The following C12orf50 variants were observed in gnomAD, a reference collection of about 807,000 sequenced individuals.
C12orf50 encodes uncharacterized protein C12orf50.
C12orf50 carries 35 observed loss-of-function variants against 61.6 expected under a neutral mutation model. The ratio of observed to expected loss-of-function variants is 0.57; its 90% CI spans 0.43 to 0.75. C12orf50 has a LOEUF of 0.75. Among genes scored for constraint, C12orf50 ranks in the 30% least tolerant of loss-of-function variants. The pLI is 0.00. For synonymous variants in C12orf50, 178 were observed against 161.5 expected, an observed-to-expected ratio of 1.10 and a Z score of -0.77; for missense variants, 475 against 488.5, an observed-to-expected ratio of 0.97 and a Z score of 0.26.
chr12:87,986,057 T>G lies in C12orf50; in HGVS notation c.923-4A>C. On this transcript the variant is annotated splice_polypyrimidine_tract_variant and splice_region_variant and intron_variant, in intron 10 of 12. Coordinates refer to ENST00000298699, the MANE Select transcript of C12orf50 (RefSeq NM_152589.3). Reference sequence around the variant, plus strand: ...TGGGGTCTTGGGGCCTGTACTGCTGTAAAGAAAGGTGGGAGGGAGTGAGGA... The same window carrying G: ...TGGGGTCTTGGGGCCTGTACTGCTGGAAAGAAAGGTGGGAGGGAGTGAGGA... 6.2e-7 allele frequency: 1 copy of G among 1,612,944 alleles called. No individual in the cohort carries two copies. The highest frequency in any genetic ancestry group is 8.5e-7 in the Non-Finnish European group (1 of 1,179,144).
chr12:88,001,292 A>ATAT (rs111556053), intron 3 of C12orf50, among the ~76,000 whole-genome samples: 31,081 of 149,590 alleles, frequency 0.21, 5,704 homozygotes, highest in African/African-American at 0.5. Context: ...TATTGTGGGT[A>ATAT]TATTATTATT....
At chr12:88,018,398 G>T (rs1592681772) in intron 3 of C12orf50, among the ~76,000 whole-genome samples, 1 of 152,262 alleles carries the variant, frequency 6.6e-6, no homozygotes, top group Admixed American at 6.5e-5. Flanking sequence ...CAGAGGGCGT[G>T]TGGAAATGCC....
At chr12:87,982,704 G>C (rs1045262740) in intron 12 of C12orf50, among the ~76,000 whole-genome samples, 3 of 151,660 alleles carry the variant, frequency 2.0e-5, no homozygotes, top group African/African-American at 7.3e-5. Context: ...TGTCCTGTCA[G>C]CCTATACCAG....
chr12:88,012,628 T>G (rs943768708), intron 3 of C12orf50, among the ~76,000 whole-genome samples: 2 of 152,212 alleles, frequency 1.3e-5, no homozygotes, highest in Non-Finnish European at 2.9e-5. Context: ...CTTGTGTAAA[T>G]TTTAAAATAA....
chr12:87,986,430 C>A lies in C12orf50; in HGVS notation c.818-14G>T, dbSNP rs1471099812. 5 of 1,569,572 alleles carry A rather than the reference C, an allele frequency of 3.2e-6. No homozygotes were observed. The highest frequency in any genetic ancestry group is 4.3e-6 in the Non-Finnish European group (5 of 1,154,210). ...GGACATCATTCACTTAGAAAAGATA[C>A]AAATTTTACAATTTTTTAAGAGATG... On this transcript the variant is annotated splice_polypyrimidine_tract_variant and intron_variant, in intron 9 of 12. Transcript: ENST00000298699.
At chr12:88,024,939 C>CAG (rs1453183432) in intron 3 of C12orf50, among the ~76,000 whole-genome samples, 1 of 151,922 alleles carries the variant, frequency 6.6e-6, no homozygotes, top group East Asian at 1.9e-4. Flanking sequence ...GTGTATGTGA[C>CAG]AGGTGAAAGG....
chr12:88,021,101 C>G (rs1284862927), intron 3 of C12orf50, among the ~76,000 whole-genome samples: 1 of 152,106 alleles, frequency 6.6e-6, no homozygotes, highest in Non-Finnish European at 1.5e-5. Flanking sequence ...AAATTAACAA[C>G]TTAACATCAC....
chr12:88,028,256 C>G (rs886638052), intron 1 of C12orf50, among the ~76,000 whole-genome samples: 1 of 152,136 alleles, frequency 6.6e-6, no homozygotes, highest in African/African-American at 2.4e-5. Context: ...TGTTATTATT[C>G]TTTATTATCC....
intron 7 of C12orf50, among the ~76,000 whole-genome samples, chr12:87,994,274 C>A (rs1216027869): frequency 6.6e-6 from 1 of 151,556 alleles, no homozygotes; most frequent in Non-Finnish European, 1.5e-5. Flanking sequence ...TATTAAGTGC[C>A]TCCTTCATTT....
intron 7 of C12orf50, among the ~76,000 whole-genome samples, chr12:87,992,798 G>A (rs922172439): frequency 1.3e-5 from 2 of 152,048 alleles, no homozygotes; most frequent in African/African-American, 4.8e-5. Flanking sequence ...ATTCACTTCA[G>A]ATCTGTGAAC....
Position 87,985,840 on chromosome 12 carries a change from A to G in C12orf50, c.1126+10T>C. ...AGACAAGAGTAAACCACATCAACAA[A>G]GGACCTCACCTGGACTGAGGTTGGG... is the stretch of plus-strand genomic sequence containing the variant. On this transcript the variant is annotated intron_variant, in intron 11 of 12. Transcript: ENST00000298699. 6.2e-7 allele frequency: 1 copy of G among 1,611,408 alleles called. No individual in the cohort carries two copies. The highest frequency in any genetic ancestry group is 8.5e-7 in the Non-Finnish European group (1 of 1,179,082).
intron 7 of C12orf50, among the ~76,000 whole-genome samples, chr12:87,993,101 C>A (rs2031199507): frequency 1.3e-5 from 2 of 152,002 alleles, no homozygotes; most frequent in African/African-American, 2.4e-5. Flanking sequence ...TTTAAATATT[C>A]TTTTAGTATG....
At chr12:88,005,925 T>G (rs1302812306) in intron 3 of C12orf50, among the ~76,000 whole-genome samples, 12 of 143,970 alleles carry the variant, frequency 8.3e-5, no homozygotes, top group Non-Finnish European at 1.7e-4. Context: ...TTTTTTTTTT[T>G]TTTTTTTTTG....
chr12:87,985,190 A>G (rs1592644456), intron 11 of C12orf50: 1 of 152,254 alleles, frequency 6.6e-6, no homozygotes, highest in East Asian at 1.9e-4. Flanking sequence ...ACAAACATGA[A>G]ATCATATAGA....
At chr12:87,982,125 C>G (rs973196625) in intron 12 of C12orf50, among the ~76,000 whole-genome samples, 15 of 151,994 alleles carry the variant, frequency 9.9e-5, no homozygotes, top group African/African-American at 3.6e-4. Flanking sequence ...TATCACTTCA[C>G]CCATAGGAGG....
chr12:88,006,738 T>C (rs1206608134), intron 3 of C12orf50, among the ~76,000 whole-genome samples: 1 of 152,100 alleles, frequency 6.6e-6, no homozygotes, highest in Non-Finnish European at 1.5e-5. Context: ...GAGTTGGGAA[T>C]TGGAGAGGAT....
chr12:87,995,296 A>G (rs1446300568), intron 6 of C12orf50, among the ~76,000 whole-genome samples: 1 of 152,200 alleles, frequency 6.6e-6, no homozygotes, highest in Non-Finnish European at 1.5e-5. Context: ...TTATTTTACT[A>G]TAAAGCACAT....
At position 87,991,117 on chromosome 12, in the gene C12orf50, A is replaced by G. The variant is rs569166770; in HGVS notation, c.593-1746T>C. 3.9e-5 allele frequency among the ~76,000 whole-genome samples: 6 copies of G among 152,256 alleles called. No individual in the cohort carries two copies. In the East Asian group the frequency reaches 1.2e-3, roughly 29 times the overall value. ...TATACCTTCAAAGAAAGGAAAAATAATGTATCATCTACGGCATCATCCCTA... is the reference window on the plus strand; with the variant it reads ...TATACCTTCAAAGAAAGGAAAAATAGTGTATCATCTACGGCATCATCCCTA... On this transcript the variant is annotated intron_variant, in intron 7 of 12. Transcript: ENST00000298699.
At chr12:88,008,862 A>G (rs2031990858) in intron 3 of C12orf50, among the ~76,000 whole-genome samples, 2 of 152,240 alleles carry the variant, frequency 1.3e-5, no homozygotes, top group Middle Eastern at 3.4e-3. Context: ...GCATCCCTAA[A>G]CATAAAGTTT....
Sources: gnomAD v4.1 joint callset for allele counts (sites outside exome capture counted in the v4.1 genomes callset) on GRCh38, gnomAD v4.1.1 for gene constraint, MANE v1.5 for transcripts, NCBI Gene and HGNC (gene_info 2026-07-23, HGNC 2026-07-21) for gene names.